EI24: variants seen among roughly 807,000 people sequenced by gnomAD.
The protein encoded by EI24 is EI24 autophagy associated transmembrane protein.
A neutral mutation model predicts 48.6 loss-of-function variants in EI24; 21 were observed. The ratio of observed to expected loss-of-function variants is 0.43; its 90% confidence interval spans 0.31 to 0.62. The LOEUF (loss-of-function observed/expected upper bound fraction) is 0.62. Among genes scored for constraint, EI24 ranks in the 20% least tolerant of loss-of-function variants. EI24 has a pLI of 0.10. For synonymous variants in EI24, 114 were observed against 145.5 expected (o/e 0.78, Z 1.56); for missense variants, 280 against 410.5 (o/e 0.68, Z 2.75).
chr11:125,573,208 A>G (rs1408558341), intron 2 of EI24, among the ~76,000 whole-genome samples: 1 of 152,086 alleles, frequency 6.6e-6, no homozygotes, highest in Non-Finnish European at 1.5e-5. Flanking sequence ...ACCTGCCAGA[A>G]CCTTTTTTCT....
chr11:125,581,077 AAATAATAAT>A (rs145007951), intron 8 of EI24, 125 bp from the exon 9 acceptor site: 107 of 193,334 alleles, frequency 5.5e-4, no homozygotes, highest in Middle Eastern at 2.3e-3. Context: ...ACTCCATCTC[AAATAATAAT>A]AATAATAATA....
At chr11:125,577,621 G>A in intron 5 of EI24, 51 bp downstream of exon 5, 4 of 1,441,170 alleles carry the variant, frequency 2.8e-6, no homozygotes, top group Non-Finnish European at 3.9e-6. Flanking sequence ...GGGAGATGAT[G>A]TTTCAGTCTC....
intron 8 of EI24, 134 bp from the exon 9 acceptor site, chr11:125,581,077 A>AAATAATAAT (rs145007951): frequency 0.034 from 6,623 of 193,310 alleles, 142 homozygotes; most frequent in Middle Eastern, 0.086. Context: ...ACTCCATCTC[A>AAATAATAAT]AATAATAATA....
rs1174785749 is a variant in EI24 at position 125,577,399 on chromosome 11, G to A, written c.250-105G>A. ...CCACCGCGCCCGGCCTAGGCCTCCTGATTTATAAAAGTCACTCCCATCTAT... is the reference window on the plus strand; with the variant it reads ...CCACCGCGCCCGGCCTAGGCCTCCTAATTTATAAAAGTCACTCCCATCTAT... On this transcript the variant is annotated intron_variant, in intron 4 of 10. Coordinates refer to ENST00000278903, the MANE Select transcript of EI24 (RefSeq NM_004879.5). 2.2e-5 allele frequency: 26 copies of A among 1,184,052 alleles called. No individual in the cohort carries two copies. The East Asian group carries it at 5.6e-4, about 26-fold the overall frequency. 73.3% of individuals were successfully genotyped at this position (1,184,052 alleles called of 1,614,324 possible). A position where few individuals can be genotyped will look rare whatever the true frequency, so the allele number is the denominator to read the frequency against.
chr11:125,573,576 T>C, intron 2 of EI24: 1 of 291,624 alleles, frequency 3.4e-6, no homozygotes, highest in Non-Finnish European at 7.1e-6. Flanking sequence ...ACCAGTGCAC[T>C]ATAGCAGGGC....
Position 125,569,513 on chromosome 11 carries a change from C to A in EI24, c.-131C>A. On this transcript the variant is annotated 5_prime_UTR_variant, in exon 1 of 11. Transcript: ENST00000278903. ...AGCGGCCCCGGCCCTGGAAGCGCCC[C>A]GGCGGAGCTGGCCTGCGGTGGGCTA... 2.6e-6 allele frequency: 1 copy of A among 384,204 alleles called. No homozygotes were observed. Among genetic ancestry groups the A allele is most frequent in the South Asian group, 1.3e-4 (1 of 7,550 alleles). 23.8% of individuals were successfully genotyped at this position (384,204 alleles called of 1,614,324 possible).
At chr11:125,577,653 C>T (rs975445774) in intron 5 of EI24, 83 bp downstream of exon 5, 107 of 1,172,568 alleles carry the variant, frequency 9.1e-5, no homozygotes, top group Non-Finnish European at 1.2e-4. Flanking sequence ...TGAACATTTC[C>T]TGTGTACCAG....
In EI24 at chr11:125,583,667, C is replaced by T. The variant is rs371540566; in HGVS notation, c.1007C>T (p.Ala336Val). The change falls in exon 11 of 11, where the codon GCT (alanine) becomes GTT (valine). Residue 336 changes from alanine (A) to valine (V), a missense_variant. Physicochemically the swap from Ala to Val is moderately conservative, Grantham distance 64 (BLOSUM62 0). Transcript: ENST00000278903. ...SPHPSPAKLK[A>V]TAGH ...CATCCGTCGCCTGCCAAACTGAAGG[C>T]TACTGCAGGTCACTGAGTTGCCTGC... 3 of 1,612,786 alleles carry T rather than the reference C, an allele frequency of 1.9e-6. No individual in the cohort carries two copies. Among genetic ancestry groups the T allele is most frequent in the African/African-American group, 2.7e-5 (2 of 74,882 alleles).
rs1938442096 is a variant in EI24, at chr11:125,569,479, T to C, written c.-165T>C. On this transcript the variant is annotated 5_prime_UTR_variant, in exon 1 of 11. Transcript: ENST00000278903. Reference sequence around the variant, plus strand: ...CCCCGTGCGGCCCGGGCATGCCCAGTGCGGGCGCAGCGGCCCCGGCCCTGG... The same window carrying C: ...CCCCGTGCGGCCCGGGCATGCCCAGCGCGGGCGCAGCGGCCCCGGCCCTGG... 1 of 382,772 alleles carries C rather than the reference T, an allele frequency of 2.6e-6. No individual in the cohort carries two copies. The highest frequency in any genetic ancestry group is 2.1e-5 in the African/African-American group (1 of 47,876). 23.7% of individuals were successfully genotyped at this position (382,772 alleles called of 1,614,324 possible). A position where few individuals can be genotyped will look rare whatever the true frequency, so the allele number is the denominator to read the frequency against.
intron 2 of EI24, among the ~76,000 whole-genome samples, chr11:125,573,128 A>G (rs969048637): frequency 1.3e-5 from 2 of 152,028 alleles, no homozygotes; most frequent in African/African-American, 4.8e-5. Flanking sequence ...CTGGTCTCAA[A>G]CTCCTGGGCT....
Position 125,576,206 on chromosome 11 carries a change from T to G in EI24, c.189-49T>G, listed in dbSNP as rs774866055. On this transcript the variant is annotated intron_variant, in intron 3 of 10. Transcript: ENST00000278903. ...ATAAAATGAACTACTGAATGACAAT[T>G]AGGAAATAACTTATGCTTTATAAAC... is the stretch of plus-strand genomic sequence containing the variant. 3.2e-6 allele frequency: 5 copies of G among 1,555,826 alleles called. No homozygotes were observed. The East Asian group carries it at 1.1e-4, about 35-fold the overall frequency.
In EI24 at chr11:125,583,672, G is replaced by A; in HGVS notation, c.1012G>A (p.Ala338Thr). ...GTCGCCTGCCAAACTGAAGGCTACT[G>A]CAGGTCACTGAGTTGCCTGCCATCC... ...HPSPAKLKAT[A>T]GH Residue 338 changes from alanine (A) to threonine (T), a missense_variant, in exon 11 of 11, where the codon GCA becomes ACA. Physicochemically the swap from Ala to Thr is moderately conservative, Grantham distance 58 (BLOSUM62 0). Transcript: ENST00000278903. 1 of 1,612,506 alleles carries A rather than the reference G, an allele frequency of 6.2e-7. No individual in the cohort carries two copies. Among genetic ancestry groups the A allele is most frequent in the Non-Finnish European group, 8.5e-7 (1 of 1,179,280 alleles).
At position 125,576,208 on chromosome 11, in the gene EI24, G is replaced by T. The variant is rs570205679; in HGVS notation, c.189-47G>T. ...AAAATGAACTACTGAATGACAATTA[G>T]GAAATAACTTATGCTTTATAAACTA... On this transcript the variant is annotated intron_variant, in intron 3 of 10. Coordinates refer to ENST00000278903, the MANE Select transcript of EI24 (RefSeq NM_004879.5). 5 of 1,562,828 alleles carry T rather than the reference G, an allele frequency of 3.2e-6. No homozygotes were observed. In the African/African-American group the frequency reaches 6.7e-5, roughly 21 times the overall value.
At chr11:125,570,645 T>C (rs888919117) in intron 1 of EI24, among the ~76,000 whole-genome samples, 9 of 152,190 alleles carry the variant, frequency 5.9e-5, no homozygotes, top group Non-Finnish European at 8.8e-5. Flanking sequence ...GGCCAAGTAA[T>C]GGGCTTCCTT....
In EI24 at chr11:125,581,244, A is replaced by C. The variant is rs772477314; in HGVS notation, c.707A>C (p.Glu236Ala). The change falls in exon 9 of 11, where the codon GAA becomes GCA. Residue 236 changes from glutamate to alanine, a missense_variant. Coordinates refer to ENST00000278903, the MANE Select transcript of EI24 (RefSeq NM_004879.5). ...ATGCACCAGCGGTTGTCTAACATAGAAAGGAATTGGCCTTACTACTTTGGG... is the reference window on the plus strand; with the variant it reads ...ATGCACCAGCGGTTGTCTAACATAGCAAGGAATTGGCCTTACTACTTTGGG... ...IEMHQRLSNI[E>A]RNWPYYFGFG... The C allele has an allele frequency of 6.2e-7, 1 of 1,612,538 alleles. No individual in the cohort carries two copies. The highest frequency in any genetic ancestry group is 2.2e-5 in the East Asian group (1 of 44,818).
intron 1 of EI24, among the ~76,000 whole-genome samples, chr11:125,571,999 G>T (rs550717069): frequency 9.2e-5 from 14 of 152,306 alleles, no homozygotes; most frequent in Admixed American, 7.2e-4. Context: ...AGTAATTTTT[G>T]TAAGAACTTT....
intron 1 of EI24, 68 bp downstream of exon 1, chr11:125,569,641 G>A: frequency 3.0e-6 from 1 of 338,872 alleles, no homozygotes; most frequent in East Asian, 4.4e-5. Context: ...GGCAGGGACC[G>A]GGAGGGCAGG....
chr11:125,578,107 C>T (rs1385677792), intron 5 of EI24, 26 bp from the exon 6 acceptor site: 9 of 1,611,952 alleles, frequency 5.6e-6, no homozygotes, highest in Non-Finnish European at 7.6e-6. Flanking sequence ...TTCTCCATTT[C>T]TAGTAACTCG....
chr11:125,575,784 A>ATT (rs61493355), intron 3 of EI24: 4,792 of 186,610 alleles, frequency 0.026, 18 homozygotes, highest in South Asian at 0.068. Flanking sequence ...ATATATACAC[A>ATT]TTTTTTTTTT....
Sources: gnomAD v4.1 joint callset for allele counts (sites outside exome capture counted in the v4.1 genomes callset) on GRCh38, gnomAD v4.1.1 for gene constraint, MANE v1.5 for transcripts, NCBI Gene and HGNC (gene_info 2026-07-23, HGNC 2026-07-21) for gene names.